ZNF687: variants seen among roughly 807,000 people sequenced by gnomAD.
ZNF687 encodes the protein zinc finger protein 687.
ZNF687 carries 13 observed loss-of-function variants against 71.8 expected under a neutral mutation model. The ratio of observed to expected loss-of-function variants is 0.18; its 90% CI spans 0.12 to 0.29. ZNF687 has a LOEUF of 0.29. Ranked by LOEUF, ZNF687 falls within the 10% of genes least tolerant of loss-of-function variation. The pLI is 1.00. For missense variants in ZNF687, 1,412 were observed against 1,625.6 expected (o/e 0.87, Z 2.26); for synonymous variants, 673 against 641.6 (o/e 1.05, Z -0.74).
At chr1:151,288,445 C>G in intron 2 of ZNF687, 39 bp downstream of exon 2, 1 of 1,587,112 alleles carries the variant, frequency 6.3e-7, no homozygotes, top group Non-Finnish European at 8.6e-7. Context: ...GGGACAGGAT[C>G]TAGGAAGGCG....
Position 151,290,007 on chromosome 1 carries a change from G to C in ZNF687, c.2964G>C (p.Lys988Asn), listed in dbSNP as rs753485471. 1 of 1,587,040 alleles carries C rather than the reference G, an allele frequency of 6.3e-7. No homozygotes were observed. The highest frequency in any genetic ancestry group is 1.7e-5 in the Admixed American group (1 of 58,150). ...CCCACATGAAGAAGGAGCATGGCAA[G>C]GTGAGTGGGCCCCAAGGGGAGTACC... ...YVAHMKKEHG[K>N]SVKKFPCRLC... The change falls in exon 6 of 9, where the codon AAG (lysine) becomes AAC (asparagine). Residue 988 changes from lysine (K) to asparagine (N), a missense_variant and splice_region_variant. By Grantham distance (94) the Lys-to-Asn change is moderately conservative. This residue lies in a region of ZNF687 where 284 missense variants were observed against 359.2 expected (regional missense o/e 0.79). Transcript: ENST00000336715.
chr1:151,282,513 G>A (rs1027641904), intron 1 of ZNF687, 118 bp downstream of exon 1: 2 of 793,290 alleles, frequency 2.5e-6, no homozygotes, highest in African/African-American at 1.9e-5. Flanking sequence ...CGCCCCCTGG[G>A]GCGGCTTCTA....
rs1160678011 is a variant in ZNF687, at chr1:151,286,711, T to C, written c.420T>C (p.Ser140=). Reference sequence around the variant, plus strand: ...CTTCCCTCCCAGGAACTCCCCACTCTCCTGCTCCTCCCAGTGGGGGCACCT... The same window carrying C: ...CTTCCCTCCCAGGAACTCCCCACTCCCCTGCTCCTCCCAGTGGGGGCACCT... The part of the protein sequence containing the change: ...PEPSLPGTPH[S]PAPPSGGTWK... The change falls in exon 2 of 9, where the codon TCT becomes TCC. Residue 140 remains serine (S), a synonymous_variant. Coordinates refer to ENST00000336715, the MANE Select transcript of ZNF687 (RefSeq NM_020832.3). The C allele has an allele frequency of 6.2e-7, 1 of 1,614,130 alleles. No homozygotes were observed. Among genetic ancestry groups the C allele is most frequent in the Non-Finnish European group, 8.5e-7 (1 of 1,180,020 alleles).
intron 1 of ZNF687, among the ~76,000 whole-genome samples, chr1:151,284,903 G>A (rs1293872814): frequency 1.4e-5 from 2 of 142,218 alleles, no homozygotes; most frequent in East Asian, 2.1e-4. Flanking sequence ...TCGACCTCCC[G>A]GGCTCAGGGG....
At position 151,288,742 on chromosome 1, in the gene ZNF687, T is replaced by G. The variant is rs1189756011; in HGVS notation, c.2294+36T>G. ...CCCTTCCTCCATAGAACTGTAGGGTTTCGTGTGTCCTAGCCTCAGCCTCAG... is the reference window on the plus strand; with the variant it reads ...CCCTTCCTCCATAGAACTGTAGGGTGTCGTGTGTCCTAGCCTCAGCCTCAG... On this transcript the variant is annotated intron_variant, in intron 3 of 8. Transcript: ENST00000336715. 3 of 1,582,082 alleles carry G rather than the reference T, an allele frequency of 1.9e-6. No individual in the cohort carries two copies. In the South Asian group the frequency reaches 3.5e-5, roughly 18 times the overall value.
chr1:151,282,062 C>T (rs917620276), upstream of ZNF687: 1 of 1,284,642 alleles, frequency 7.8e-7, no homozygotes, highest in South Asian at 1.2e-5. Flanking sequence ...CGGACCCCGG[C>T]GCAGCCAATG....
At chr1:151,290,653 C>A in intron 8 of ZNF687, 62 bp from the exon 9 acceptor site, 1 of 1,578,430 alleles carries the variant, frequency 6.3e-7, no homozygotes, top group Non-Finnish European at 8.6e-7. Context: ...AGGAAGCGAG[C>A]ATGGGGGTGC....
Position 151,290,880 on chromosome 1 carries a change from A to G in ZNF687, c.3385A>G (p.Arg1129Gly). The G allele has an allele frequency of 6.2e-7, 1 of 1,614,020 alleles. No individual in the cohort carries two copies. Among genetic ancestry groups the G allele is most frequent in the Non-Finnish European group, 8.5e-7 (1 of 1,180,006 alleles). ...AGAACAGAGCCTCATGATGGGGTTGAGGGTGGAGGATGGTGCCCAGCAGTG... is the reference window on the plus strand; with the variant it reads ...AGAACAGAGCCTCATGATGGGGTTGGGGGTGGAGGATGGTGCCCAGCAGTG... ...STEQSLMMGL[R>G]VEDGAQQCLD... The change falls in exon 9 of 9, where the codon AGG becomes GGG. Residue 1129 changes from arginine (R) to glycine (G), a missense_variant. Arg to Gly is a moderately radical substitution (Grantham distance 125, BLOSUM62 -2). This residue lies in a region of ZNF687 where 284 missense variants were observed against 359.2 expected (regional missense o/e 0.79). Coordinates refer to ENST00000336715, the MANE Select transcript of ZNF687 (RefSeq NM_020832.3).
At chr1:151,289,010 C>A in intron 3 of ZNF687, 85 bp from the exon 4 acceptor site, 1 of 1,431,520 alleles carries the variant, frequency 7.0e-7, no homozygotes, top group South Asian at 1.3e-5. Context: ...GTAGTCTACC[C>A]AGTCCCAGAG....
At chr1:151,284,958 G>A (rs1340307397) in intron 1 of ZNF687, among the ~76,000 whole-genome samples, 1 of 151,742 alleles carries the variant, frequency 6.6e-6, no homozygotes, top group Non-Finnish European at 1.5e-5. Context: ...CTACAGGCAC[G>A]TGCCATCATG....
At position 151,291,236 on chromosome 1, in the gene ZNF687, C is replaced by T. The variant is rs764160968; in HGVS notation, c.*27C>T. The T allele has an allele frequency of 1.3e-6, 2 of 1,568,170 alleles. No homozygotes were observed. Among genetic ancestry groups the T allele is most frequent in the South Asian group, 2.3e-5 (2 of 86,066 alleles). On this transcript the variant is annotated 3_prime_UTR_variant, in exon 9 of 9. Transcript: ENST00000336715. The stretch of plus-strand genomic sequence containing the variant: ...CTCCAAGGCCTGGGACTGACCAGCC[C>T]CTTCCTCTTGGAGCCTGGTTTTCCC...
In ZNF687 at chr1:151,287,284, G is replaced by T; in HGVS notation, c.993G>T (p.Arg331=). 1.9e-6 allele frequency: 3 copies of T among 1,614,172 alleles called. No homozygotes were observed. The highest frequency in any genetic ancestry group is 2.5e-6 in the Non-Finnish European group (3 of 1,180,038). ...ASSSSRPLKV[R]IKTIKTSCGN... is the part of the protein sequence containing the mutation. Reference sequence around the variant, plus strand: ...GCTCCTCTAGGCCTCTTAAGGTGCGGATCAAGACCATTAAAACATCCTGCG... The same window carrying T: ...GCTCCTCTAGGCCTCTTAAGGTGCGTATCAAGACCATTAAAACATCCTGCG... Residue 331 remains arginine (R), a synonymous_variant, in exon 2 of 9, where the codon CGG becomes CGT. Transcript: ENST00000336715. The surrounding 1 kb of genome is among the most constrained non-coding windows in gnomAD (Gnocchi z 5.0).
chr1:151,283,607 C>G (rs760914573), intron 1 of ZNF687, among the ~76,000 whole-genome samples: 5 of 152,178 alleles, frequency 3.3e-5, no homozygotes, highest in Non-Finnish European at 5.9e-5. Flanking sequence ...GTGTTTTCTC[C>G]TAGTCCCCGC....
At position 151,287,011 on chromosome 1, in the gene ZNF687, C is replaced by T; in HGVS notation, c.720C>T (p.Gly240=). Residue 240 remains glycine, a synonymous_variant, in exon 2 of 9, where the codon GGC becomes GGT. Transcript: ENST00000336715. This position sits in a 1 kb window ranked among gnomAD's most constrained non-coding sequence, Gnocchi z 5.0. ...AGGTCCTAGCCCAACAAGGCTCAGGCTCCAGCCCTAAGGCCACGGACATCC... is the reference window on the plus strand; with the variant it reads ...AGGTCCTAGCCCAACAAGGCTCAGGTTCCAGCCCTAAGGCCACGGACATCC... ...HPQVLAQQGS[G]SSPKATDIPA... The T allele has an allele frequency of 8.1e-6, 13 of 1,603,796 alleles. No homozygotes were observed. The highest frequency in any genetic ancestry group is 1.1e-5 in the Non-Finnish European group (13 of 1,173,342).
At chr1:151,286,244 A>G in intron 1 of ZNF687, 31 bp from the exon 2 acceptor site, 1 of 1,496,508 alleles carries the variant, frequency 6.7e-7, no homozygotes, top group Non-Finnish European at 9.0e-7. Context: ...TAGACATCTC[A>G]GTTTCTCCTC....
chr1:151,282,291 A>C (rs1427450519), upstream of ZNF687: 9 of 1,002,726 alleles, frequency 9.0e-6, no homozygotes, highest in South Asian at 2.3e-4. Context: ...GCCGAACCGG[A>C]GAGAAGCAGG....
At position 151,289,800 on chromosome 1, in the gene ZNF687, TGAG is replaced by T. The variant is rs1177997768; in HGVS notation, c.2761_2763del (p.Glu921del). 6.4e-7 allele frequency: 1 copy of T among 1,565,226 alleles called. No homozygotes were observed. The stretch of plus-strand genomic sequence containing the variant: ...CTCAGGGAGGGGCAGCCCCTGCTAC[TGAG>T]GAGTCGTCTTCATCTTCAGAAGAGG... On this transcript the variant is annotated inframe_deletion, in exon 6 of 9. Coordinates refer to ENST00000336715, the MANE Select transcript of ZNF687 (RefSeq NM_020832.3).
At position 151,286,309 on chromosome 1, in the gene ZNF687, C is replaced by T. The variant is rs1244730764; in HGVS notation, c.18C>T (p.Thr6=). The T allele has an allele frequency of 3.2e-6, 5 of 1,569,516 alleles. No homozygotes were observed. The Admixed American group carries it at 7.9e-5, about 25-fold the overall frequency. The change falls in exon 2 of 9, where the codon ACC becomes ACT. Residue 6 remains threonine, a synonymous_variant. Coordinates refer to ENST00000336715, the MANE Select transcript of ZNF687 (RefSeq NM_020832.3). ...CTGCCGATATGGGGGATATGAAGACCCCTGATTTTGATGACCTCCTTGCTG... is the reference window on the plus strand; with the variant it reads ...CTGCCGATATGGGGGATATGAAGACTCCTGATTTTGATGACCTCCTTGCTG... The part of the protein sequence containing the change: MGDMK[T]PDFDDLLAAF...
intron 1 of ZNF687, 123 bp from the exon 2 acceptor site, chr1:151,286,152 T>G: frequency 1.4e-6 from 1 of 735,200 alleles, no homozygotes; most frequent in South Asian, 2.4e-5. Flanking sequence ...GTGGCGGAGG[T>G]GTACCTAAGT....
Sources: gnomAD v4.1 joint callset for allele counts (sites outside exome capture counted in the v4.1 genomes callset) on GRCh38, gnomAD v4.1.1 for gene constraint, gnomAD v4.1.1 regional missense constraint, Gnocchi (gnomAD v3.1) non-coding constraint, MANE v1.5 for transcripts, NCBI Gene and HGNC (gene_info 2026-07-23, HGNC 2026-07-21) for gene names.